VIL1: variants seen among roughly 807,000 people sequenced by gnomAD.
VIL1 encodes villin 1.
Under a neutral mutation model 104.0 loss-of-function variants are expected in VIL1, and 86 were observed. The observed-to-expected ratio is 0.83, with a 90% confidence interval of 0.69 to 0.99. The LOEUF (loss-of-function observed/expected upper bound fraction) is 0.99. Ranked by LOEUF, VIL1 falls within the 50% of genes least tolerant of loss-of-function variation. The pLI, the probability that VIL1 is intolerant of heterozygous loss-of-function variation, is 0.00. For missense variants in VIL1, 944 were observed against 1,054.1 expected (o/e 0.90, Z 1.45); for synonymous variants, 394 against 412.6 (o/e 0.95, Z 0.55).
At position 218,430,800 on chromosome 2, in the gene VIL1, T is replaced by C. The variant is rs771643271; in HGVS notation, c.1024T>C (p.Phe342Leu). 1.9e-6 allele frequency: 3 copies of C among 1,613,794 alleles called. No individual in the cohort carries two copies. The highest frequency in any genetic ancestry group is 2.5e-6 in the Non-Finnish European group (3 of 1,179,864). Residue 342 changes from phenylalanine (F) to leucine (L), a missense_variant, in exon 10 of 20, where the codon TTT (phenylalanine) becomes CTT (leucine). Coordinates refer to ENST00000248444, the MANE Select transcript of VIL1 (RefSeq NM_007127.3). ...GAATGATGGGGCTGAGTCGGCCGTC[T>C]TTCAGCAGCTCTTCCAGAAGTGGAC... ...VQNDGAESAV[F>L]QQLFQKWTAS...
At chr2:218,420,578 GTT>G (rs71064448) in intron 1 of VIL1, among the ~76,000 whole-genome samples, 68 of 131,256 alleles carry the variant, frequency 5.2e-4, no homozygotes, top group Non-Finnish European at 6.7e-4. Flanking sequence ...ATGAGTATTT[GTT>G]TTTTTTTTTT....
In VIL1 at chr2:218,429,637, G is replaced by A. The variant is rs144887880; in HGVS notation, c.811G>A (p.Ala271Thr). The A allele has an allele frequency of 3.7e-6, 6 of 1,613,980 alleles. No homozygotes were observed. The highest frequency in any genetic ancestry group is 2.2e-5 in the East Asian group (1 of 44,888). The change falls in exon 8 of 20, where the codon GCC (alanine) becomes ACC (threonine). Residue 271 changes from alanine to threonine, a missense_variant. By Grantham distance (58) the Ala-to-Thr change is moderately conservative (BLOSUM62 0). Transcript: ENST00000248444. ...GGGGAATCTGGTGGTGAGGGAAGTC[G>A]CCACACGGCCACTGACACAGGACCT... is the stretch of plus-strand genomic sequence containing the variant. ...SEGNLVVREV[A>T]TRPLTQDLLS... is the part of the protein sequence containing the mutation.
At chr2:218,422,938 C>T (rs1688921829) in intron 1 of VIL1, among the ~76,000 whole-genome samples, 1 of 152,168 alleles carries the variant, frequency 6.6e-6, no homozygotes. Flanking sequence ...GTTTTAAAAG[C>T]ACCCATGCCT....
chr2:218,435,984 G>A (rs1174617805), intron 15 of VIL1, among the ~76,000 whole-genome samples: 2 of 152,132 alleles, frequency 1.3e-5, no homozygotes, highest in African/African-American at 2.4e-5. Flanking sequence ...GATTACAGGC[G>A]CCCACCACCG....
rs746201063 is a variant in VIL1, at chr2:218,438,775, C to G, written c.2229+49C>G. ...GGCCCTGCAGTGGCCAGCTGGTGGT[C>G]AGACCTGTGGGAGCCAAGAACGCTG... On this transcript the variant is annotated intron_variant, in intron 18 of 19. Transcript: ENST00000248444. 7 of 1,548,818 alleles carry G rather than the reference C, an allele frequency of 4.5e-6. No individual in the cohort carries two copies. In the East Asian group the frequency reaches 1.6e-4, roughly 35 times the overall value.
intron 14 of VIL1, 68 bp from the exon 15 acceptor site, chr2:218,435,221 C>T (rs543417430): frequency 9.9e-5 from 156 of 1,576,318 alleles, no homozygotes; most frequent in Admixed American, 1.9e-4. Flanking sequence ...GAACTCTGGG[C>T]AGTGAATGTA....
At chr2:218,425,137 A>G (rs1397938357) in intron 3 of VIL1, among the ~76,000 whole-genome samples, 2 of 151,852 alleles carry the variant, frequency 1.3e-5, no homozygotes, top group Non-Finnish European at 2.9e-5. Flanking sequence ...CTGGAGTGCA[A>G]TGGCACAATC....
At chr2:218,444,850 A>G (rs187852797) in intron 19 of VIL1, among the ~76,000 whole-genome samples, 2 of 152,366 alleles carry the variant, frequency 1.3e-5, no homozygotes, top group East Asian at 1.9e-4. Context: ...GCAGAGTTCA[A>G]GAACAGGACC....
rs557537666 is a variant in VIL1 at position 218,453,033 on chromosome 2, G to A, written c.*3697G>A. On this transcript the variant is annotated 3_prime_UTR_variant, in exon 20 of 20. Coordinates refer to ENST00000248444, the MANE Select transcript of VIL1 (RefSeq NM_007127.3). ...CGTTTTCTACCACTCTACCATTTTG[G>A]AACATTCATTACAATAAGGTATATA... The A allele has an allele frequency of 6.6e-6, 1 of 152,210 alleles. No homozygotes were observed. The highest frequency in any genetic ancestry group is 6.5e-5 in the Admixed American group (1 of 15,284). The allele number at this position is 152,210 out of a possible 1,614,324, so 9.4% of individuals were successfully genotyped here.
At chr2:218,449,195 T>G (rs1689423739) in intron 19 of VIL1, 28 bp from the exon 20 acceptor site, 1 of 1,560,212 alleles carries the variant, frequency 6.4e-7, no homozygotes, top group East Asian at 2.2e-5. Flanking sequence ...TATGTGACCT[T>G]TGCCCTCTGG....
rs931752555 is a variant in VIL1 at position 218,436,436 on chromosome 2, T to C, written c.1827-46T>C. ...AGTTCTGTGTCCTCAATTCTCCTTT[T>C]GCCACACCTTCCTTCTGCCAGTACA... On this transcript the variant is annotated intron_variant, in intron 15 of 19. Coordinates refer to ENST00000248444, the MANE Select transcript of VIL1 (RefSeq NM_007127.3). 3.1e-6 allele frequency: 5 copies of C among 1,592,478 alleles called. No homozygotes were observed. In the African/African-American group the frequency reaches 6.7e-5, roughly 21 times the overall value.
At chr2:218,430,680 G>A in intron 9 of VIL1, 45 bp from the exon 10 acceptor site, 1 of 1,544,888 alleles carries the variant, frequency 6.5e-7, no homozygotes, top group African/African-American at 1.4e-5. Flanking sequence ...TGGGAGTGGG[G>A]ACTAGGGGAG....
At chr2:218,446,581 A>G (rs1689366796) in intron 19 of VIL1, among the ~76,000 whole-genome samples, 1 of 152,096 alleles carries the variant, frequency 6.6e-6, no homozygotes, top group Non-Finnish European at 1.5e-5. Context: ...GCCAAGAGTG[A>G]TGAAGCTATC....
intron 17 of VIL1, 49 bp from the exon 18 acceptor site, chr2:218,438,609 T>C: frequency 6.5e-7 from 1 of 1,547,492 alleles, no homozygotes; most frequent in Non-Finnish European, 8.8e-7. Flanking sequence ...TTCTCATCCA[T>C]CTCCTCTGCT....
At chr2:218,434,967 G>A (rs1203401614) in intron 14 of VIL1, among the ~76,000 whole-genome samples, 1 of 152,160 alleles carries the variant, frequency 6.6e-6, no homozygotes, top group East Asian at 1.9e-4. Context: ...ACCTCCATCT[G>A]TCCCTGTGTT....
At chr2:218,433,459 C>T (rs982493449) in intron 13 of VIL1, among the ~76,000 whole-genome samples, 31 of 151,606 alleles carry the variant, frequency 2.0e-4, no homozygotes, top group Non-Finnish European at 3.1e-4. Context: ...AAAAAAATGC[C>T]GGTTGCGGTG....
At chr2:218,442,187 T>A (rs1689295296) in intron 19 of VIL1, among the ~76,000 whole-genome samples, 1 of 152,066 alleles carries the variant, frequency 6.6e-6, no homozygotes, top group Non-Finnish European at 1.5e-5. Flanking sequence ...ATTTGGTAAT[T>A]ACTGGATAAA....
At position 218,449,602 on chromosome 2, in the gene VIL1, C is replaced by T. The variant is rs1350891283; in HGVS notation, c.*266C>T. ...AGGTATTGCATCAATTTTAATACTC[C>T]TATAGTTTTCTCTTCTTAGAAGAGC... On this transcript the variant is annotated 3_prime_UTR_variant, in exon 20 of 20. Transcript: ENST00000248444. 1.2e-5 allele frequency: 4 copies of T among 339,192 alleles called. No homozygotes were observed. Among genetic ancestry groups the T allele is most frequent in the Admixed American group, 3.8e-5 (1 of 26,046 alleles). 21.0% of individuals were successfully genotyped at this position (339,192 alleles called of 1,614,324 possible).
intron 12 of VIL1, among the ~76,000 whole-genome samples, 155 bp downstream of exon 12, chr2:218,432,338 G>C (rs115234039): frequency 6.6e-6 from 1 of 152,134 alleles, no homozygotes; most frequent in Non-Finnish European, 1.5e-5. Flanking sequence ...GGTCCCGCTA[G>C]TACCCCCATT....
Sources: allele counts gnomAD v4.1 joint callset (sites outside exome capture counted in the v4.1 genomes callset), GRCh38; gene constraint gnomAD v4.1.1; transcripts MANE v1.5; gene names NCBI Gene and HGNC (gene_info 2026-07-23, HGNC 2026-07-21).